EXOC4: variants seen among roughly 807,000 people sequenced by gnomAD.
EXOC4 encodes SEC8-like 1.
In EXOC4, 71 loss-of-function variants were observed where a neutral mutation model predicts 107.2. The ratio of observed to expected loss-of-function variants is 0.66; its 90% CI spans 0.55 to 0.81. The LOEUF is 0.81. EXOC4 is among the 30% of genes least tolerant of loss of function. The probability of loss-of-function intolerance (pLI) is 0.00; values close to 1 mark genes in which losing one functional copy is unlikely to be tolerated. For synonymous variants in EXOC4, 456 were observed against 441.2 expected (o/e 1.03, Z -0.42); for missense variants, 1,108 against 1,189.6 (o/e 0.93, Z 1.01).
intron 9 of EXOC4, among the ~76,000 whole-genome samples, chr7:133,508,017 G>A (rs1252575795): frequency 6.6e-6 from 1 of 151,854 alleles, no homozygotes; most frequent in Admixed American, 6.6e-5. Context: ...CCAAGATCGC[G>A]CCATTGCACT....
chr7:133,980,751 TTAATCTTTTAC>T (rs1427664354), intron 14 of EXOC4, among the ~76,000 whole-genome samples: 1 of 152,226 alleles, frequency 6.6e-6, no homozygotes, highest in Non-Finnish European at 1.5e-5. Context: ...AGATTGATTA[TTAATCTTTTAC>T]TTTTTAAAAA....
chr7:133,550,340 G>A (rs1285569864), intron 9 of EXOC4, among the ~76,000 whole-genome samples: 1 of 152,070 alleles, frequency 6.6e-6, no homozygotes, highest in African/African-American at 2.4e-5. Context: ...CGAATGTACT[G>A]TATTCTGTTG....
At chr7:133,787,961 A>T (rs370373708) in intron 10 of EXOC4, among the ~76,000 whole-genome samples, 269 of 14,514 alleles carry the variant, frequency 0.019, 10 homozygotes, top group East Asian at 0.056. Context: ...ATATTTATAT[A>T]TTTATATATA....
intron 1 of EXOC4, among the ~76,000 whole-genome samples, chr7:133,267,349 C>CT (rs1793754968): frequency 6.6e-6 from 1 of 152,172 alleles, no homozygotes; most frequent in African/African-American, 2.4e-5. Context: ...CACTCTTTCT[C>CT]AAGTCTCTAA....
intron 14 of EXOC4, among the ~76,000 whole-genome samples, chr7:133,951,734 A>G (rs1002433854): frequency 1.3e-5 from 2 of 152,224 alleles, no homozygotes; most frequent in Non-Finnish European, 2.9e-5. Context: ...TGGCTTGGGA[A>G]CACAGGCATA....
chr7:133,780,348 C>T (rs1200723363), intron 10 of EXOC4, among the ~76,000 whole-genome samples: 1 of 148,796 alleles, frequency 6.7e-6, no homozygotes, highest in African/African-American at 2.5e-5. Context: ...GAAAGTATTA[C>T]CAAGTTAATA....
At chr7:133,596,799 C>G (rs926368074) in intron 9 of EXOC4, among the ~76,000 whole-genome samples, 1 of 152,198 alleles carries the variant, frequency 6.6e-6, no homozygotes, top group Non-Finnish European at 1.5e-5. Context: ...AGGCTCATCT[C>G]TTTCTCACTC....
chr7:133,634,600 G>A (rs533652267), intron 10 of EXOC4, among the ~76,000 whole-genome samples: 20 of 152,014 alleles, frequency 1.3e-4, no homozygotes, highest in Non-Finnish European at 2.4e-4. Context: ...AGCAATTCTC[G>A]TGCCTCAGCC....
Position 134,007,698 on chromosome 7 carries a change from C to T in EXOC4, c.2550C>T (p.Cys850=), listed in dbSNP as rs779894021. ...CAGGCCTGGGCCACCTGATCTCCTG[C>T]ATCCTCATTAATGGTGCCCAGTACT... is the stretch of plus-strand genomic sequence containing the variant. ...IFEGLGHLIS[C]ILINGAQYFR... is the part of the protein sequence containing the mutation. The change falls in exon 17 of 18, where the codon TGC becomes TGT. Residue 850 remains cysteine, a synonymous_variant. Coordinates refer to ENST00000253861, the MANE Select transcript of EXOC4 (RefSeq NM_021807.4). The T allele has an allele frequency of 1.9e-6, 3 of 1,613,420 alleles. No individual in the cohort carries two copies. In the South Asian group the frequency reaches 3.3e-5, roughly 18 times the overall value.
chr7:134,004,627 C>T (rs1230413568), intron 15 of EXOC4, among the ~76,000 whole-genome samples: 2 of 152,138 alleles, frequency 1.3e-5, no homozygotes, highest in Non-Finnish European at 2.9e-5. Flanking sequence ...TAGCAGCCAG[C>T]TTGCCCCAGA....
At chr7:133,987,700 TCA>T (rs1422539380) in intron 14 of EXOC4, among the ~76,000 whole-genome samples, 1 of 152,208 alleles carries the variant, frequency 6.6e-6, no homozygotes, top group Non-Finnish European at 1.5e-5. Flanking sequence ...AAGTTTGAAT[TCA>T]CAGTGTTAAC....
At chr7:133,534,817 C>T (rs1702207387) in intron 9 of EXOC4, among the ~76,000 whole-genome samples, 1 of 152,090 alleles carries the variant, frequency 6.6e-6, no homozygotes, top group Non-Finnish European at 1.5e-5. Flanking sequence ...TGAAGAACTG[C>T]TTGATTAAAA....
At chr7:133,318,966 A>G (rs1795049944) in intron 5 of EXOC4, among the ~76,000 whole-genome samples, 1 of 152,204 alleles carries the variant, frequency 6.6e-6, no homozygotes, top group Non-Finnish European at 1.5e-5. Flanking sequence ...GAGTTTTAAC[A>G]CTGCTCTGAG....
chr7:133,376,045 T>C (rs919868863), intron 7 of EXOC4, among the ~76,000 whole-genome samples: 1 of 152,178 alleles, frequency 6.6e-6, no homozygotes, highest in Non-Finnish European at 1.5e-5. Context: ...AGGAATGAAA[T>C]TACTTGCATG....
chr7:133,955,839 A>G (rs1306037749), intron 14 of EXOC4, among the ~76,000 whole-genome samples: 1 of 152,234 alleles, frequency 6.6e-6, no homozygotes, highest in Non-Finnish European at 1.5e-5. Context: ...CCAGGTTGCA[A>G]CAGTGCCCAG....
chr7:133,879,114 A>T (rs1315647942), intron 11 of EXOC4, among the ~76,000 whole-genome samples: 3 of 151,870 alleles, frequency 2.0e-5, no homozygotes, highest in Admixed American at 1.3e-4. Context: ...TTTTTTATTT[A>T]TTTTTTTGAG....
At chr7:133,414,709 A>C (rs935523517) in intron 7 of EXOC4, among the ~76,000 whole-genome samples, 1 of 152,152 alleles carries the variant, frequency 6.6e-6, no homozygotes, top group African/African-American at 2.4e-5. Context: ...TAATGTAACT[A>C]TTATATATGT....
intron 5 of EXOC4, among the ~76,000 whole-genome samples, chr7:133,351,194 T>G (rs1795901823): frequency 6.6e-6 from 1 of 152,020 alleles, no homozygotes; most frequent in African/African-American, 2.4e-5. Flanking sequence ...TTATCTGGCT[T>G]TGGTATCAGG....
At chr7:133,357,996 T>C (rs750476168) in intron 6 of EXOC4, among the ~76,000 whole-genome samples, 4 of 152,122 alleles carry the variant, frequency 2.6e-5, no homozygotes, top group Non-Finnish European at 5.9e-5. Flanking sequence ...GAGAGCAGCC[T>C]GGCCAACATA....
Sources: allele counts gnomAD v4.1 joint callset (sites outside exome capture counted in the v4.1 genomes callset), GRCh38; gene constraint gnomAD v4.1.1; transcripts MANE v1.5; gene names NCBI Gene and HGNC (gene_info 2026-07-23, HGNC 2026-07-21).